Variants in KLHL13 observed in about 807,000 individuals in gnomAD.
KLHL13 encodes kelch like family member 13, also known as kelch-like protein 13.
A neutral mutation model predicts 37.1 loss-of-function variants in KLHL13; 10 were observed. The ratio of observed to expected loss-of-function variants is 0.27; its 90% CI spans 0.17 to 0.46. The LOEUF (loss-of-function observed/expected upper bound fraction) is 0.46. Among genes scored for constraint, KLHL13 ranks in the 20% least tolerant of loss-of-function variants. The pLI, the probability that KLHL13 is intolerant of heterozygous loss-of-function variation, is 1.00. For synonymous variants in KLHL13, 163 were observed against 181.2 expected (o/e 0.90, Z 0.81); for missense variants, 360 against 509.3 (o/e 0.71, Z 2.82).
chrX:118,075,267 C>T (rs1172227150), intron 1 of KLHL13, among the ~76,000 whole-genome samples: 1 of 111,381 alleles, frequency 9.0e-6, no homozygotes, highest in Non-Finnish European at 1.9e-5. Flanking sequence ...AGCAAGTGAT[C>T]AGGTCCATAC....
At chrX:117,911,447 G>GT (rs1370923206) in intron 4 of KLHL13, among the ~76,000 whole-genome samples, 2 of 111,722 alleles carry the variant, frequency 1.8e-5, no homozygotes, top group African/African-American at 6.5e-5. Context: ...CATGCAGAAC[G>GT]TGCAGGTTTG....
intron 1 of KLHL13, among the ~76,000 whole-genome samples, chrX:118,061,137 T>A (rs2054736459): frequency 8.9e-6 from 1 of 111,952 alleles, no homozygotes; most frequent in African/African-American, 3.2e-5. Flanking sequence ...AAAATGGGGA[T>A]TAACCTTAAG....
At chrX:118,086,254 C>CT (rs911186042) in intron 1 of KLHL13, among the ~76,000 whole-genome samples, 3 of 110,114 alleles carry the variant, frequency 2.7e-5, no homozygotes, top group African/African-American at 9.9e-5. Flanking sequence ...TATATAATGG[C>CT]TTTTTTTTTC....
rs181625450 is a variant in KLHL13, at chrX:118,060,618, A to T, written c.-56+55890T>A. Among the ~76,000 whole-genome samples, 201 of 111,005 alleles carry T rather than the reference A, an allele frequency of 1.8e-3. 2 individuals are homozygous for T. The highest frequency in any genetic ancestry group is 6.3e-3 in the African/African-American group (191 of 30,554). ...TATTATTACCCTCATTTTACAGATT[A>T]AAAAAAACAGAGGCTTCTCAGAGTT... On this transcript the variant is annotated intron_variant, in intron 1 of 6. Coordinates refer to the KLHL13 transcript ENST00000371882.
intron 1 of KLHL13, among the ~76,000 whole-genome samples, chrX:118,096,928 T>G (rs1216952753): frequency 1.8e-5 from 2 of 111,286 alleles, no homozygotes; most frequent in Non-Finnish European, 1.9e-5. Flanking sequence ...GGGACGTATC[T>G]CAAAATAATA....
upstream of KLHL13, among the ~76,000 whole-genome samples, chrX:117,975,974 G>A (rs1033854312): frequency 2.7e-5 from 3 of 111,182 alleles, no homozygotes; most frequent in Non-Finnish European, 5.7e-5. Context: ...TACTTTTGTC[G>A]AATTTCATTG....
chrX:118,078,489 T>A (rs1392618316), intron 1 of KLHL13, among the ~76,000 whole-genome samples: 2 of 111,794 alleles, frequency 1.8e-5, no homozygotes. Context: ...CAGAATGTCA[T>A]ATAAATGGAA....
rs140998925 is a variant in KLHL13, at chrX:117,950,110, A to C, written c.99-4535T>G. Among the ~76,000 whole-genome samples the C allele has an allele frequency of 2.3e-4, 26 of 112,785 alleles. 1 individual carries two copies. The East Asian group carries it at 6.9e-3, about 30-fold the overall frequency. ...ATAGTGCTTTAACTGCCATCATTTCATTACCAAAAAAGGTTAAATCTAACA... is the reference window on the plus strand; with the variant it reads ...ATAGTGCTTTAACTGCCATCATTTCCTTACCAAAAAAGGTTAAATCTAACA... On this transcript the variant is annotated intron_variant, in intron 1 of 6. Coordinates refer to ENST00000262820, the Ensembl canonical transcript of KLHL13.
At chrX:118,080,578 G>A (rs1416316983) in intron 1 of KLHL13, among the ~76,000 whole-genome samples, 1 of 111,805 alleles carries the variant, frequency 8.9e-6, no homozygotes, top group African/African-American at 3.2e-5. Context: ...TTACACCAGT[G>A]AGAATGGCTG....
chrX:118,103,905 A>G (rs6646089), intron 1 of KLHL13, among the ~76,000 whole-genome samples: 1,908 of 109,492 alleles, frequency 0.017, 45 homozygotes, highest in African/African-American at 0.058. Flanking sequence ...AGTATCATGG[A>G]ATACATTTTA....
rs1312382223 is a variant in KLHL13 at position 118,061,428 on chromosome X, C to T, written c.-56+55080G>A. ...CAGGTGAAACTTAACACAATAAACACCAGGAACTGTGTATACTAATACACA... is the reference window on the plus strand; with the variant it reads ...CAGGTGAAACTTAACACAATAAACATCAGGAACTGTGTATACTAATACACA... On this transcript the variant is annotated intron_variant, in intron 1 of 6. Transcript: ENST00000371882. 2.7e-5 allele frequency among the ~76,000 whole-genome samples: 3 copies of T among 110,857 alleles called. No homozygotes were observed. The East Asian group carries it at 8.5e-4, about 31-fold the overall frequency.
intron 3 of KLHL13, 81 bp from the exon 5 acceptor site, chrX:117,919,798 A>T (rs1293506961): frequency 1.4e-6 from 1 of 698,043 alleles, no homozygotes; most frequent in East Asian, 3.3e-5. Flanking sequence ...GATGCAATAA[A>T]ATCAAAGGAA....
intron 1 of KLHL13, among the ~76,000 whole-genome samples, chrX:117,964,054 A>C: frequency 2.2e-5 from 1 of 45,339 alleles, no homozygotes; most frequent in South Asian, 1.9e-3. Context: ...GGGTCGGGGG[A>C]GGGGGGAGGG....
chrX:118,067,648 T>G (rs1308203550), intron 1 of KLHL13, among the ~76,000 whole-genome samples: 2 of 110,932 alleles, frequency 1.8e-5, no homozygotes, highest in African/African-American at 3.3e-5. Context: ...TTTTTAAACT[T>G]TTTTTTAACT....
At chrX:117,979,926 A>C (rs991143004) in intron 1 of KLHL13, among the ~76,000 whole-genome samples, 1 of 112,161 alleles carries the variant, frequency 8.9e-6, no homozygotes, top group African/African-American at 3.2e-5. Context: ...AGTAAATAAA[A>C]TAGTCAAGCT....
chrX:118,017,713 G>A (rs1459785830), intron 1 of KLHL13, among the ~76,000 whole-genome samples: 1 of 111,639 alleles, frequency 9.0e-6, no homozygotes, highest in Non-Finnish European at 1.9e-5. Context: ...CCACTACACA[G>A]AAAACCATGT....
At chrX:117,900,226 A>C in intron 6 of KLHL13, among the ~76,000 whole-genome samples, 1 of 112,316 alleles carries the variant, frequency 8.9e-6, no homozygotes, top group Non-Finnish European at 1.9e-5. Flanking sequence ...ATCTTTAGTC[A>C]AATCATTCAA....
chrX:117,998,406 A>G (rs774560890), intron 1 of KLHL13, among the ~76,000 whole-genome samples: 7 of 111,421 alleles, frequency 6.3e-5, no homozygotes, highest in Admixed American at 9.6e-5. Flanking sequence ...AGAAATTATT[A>G]ACTATGACAG....
At chrX:118,078,518 T>C (rs370113261) in intron 1 of KLHL13, among the ~76,000 whole-genome samples, 26 of 111,688 alleles carry the variant, frequency 2.3e-4, no homozygotes, top group African/African-American at 8.1e-4. Context: ...TATTTAGCCT[T>C]AATGAGTCTG....
Sources: allele counts gnomAD v4.1 joint callset (sites outside exome capture counted in the v4.1 genomes callset), GRCh38; gene constraint gnomAD v4.1.1; transcripts MANE v1.5; gene names NCBI Gene and HGNC (gene_info 2026-07-23, HGNC 2026-07-21).